The following HOOK3 variants were observed in gnomAD, a reference collection of about 807,000 sequenced individuals.
The protein encoded by HOOK3 is hook microtubule tethering protein 3.
A neutral mutation model predicts 116.3 loss-of-function variants in HOOK3; 24 were observed. The observed-to-expected ratio is 0.21, with a 90% CI of 0.15 to 0.29. The LOEUF is 0.29. Ranked by LOEUF, HOOK3 falls within the 10% of genes least tolerant of loss-of-function variation. The pLI, the probability that HOOK3 is intolerant of heterozygous loss-of-function variation, is 1.00. For missense variants in HOOK3, 632 were observed against 830.2 expected, an observed-to-expected ratio of 0.76 and a Z score of 2.93; for synonymous variants, 275 against 283.0, an observed-to-expected ratio of 0.97 and a Z score of 0.28.
intron 1 of HOOK3, 41 bp downstream of exon 1, chr8:42,897,229 C>G (rs1807013298): frequency 1.7e-6 from 2 of 1,203,666 alleles, no homozygotes; most frequent in South Asian, 4.2e-5. Flanking sequence ...CCCCCTCCCC[C>G]CGCCACCTAC....
chr8:42,903,526 A>T (rs1054691835), intron 1 of HOOK3, among the ~76,000 whole-genome samples: 6 of 149,812 alleles, frequency 4.0e-5, no homozygotes, highest in African/African-American at 1.5e-4. Flanking sequence ...TTGTATTTTT[A>T]GTAGAGACGG....
chr8:42,958,802 C>A (rs1166345420), intron 7 of HOOK3, among the ~76,000 whole-genome samples: 1 of 151,856 alleles, frequency 6.6e-6, no homozygotes, highest in Non-Finnish European at 1.5e-5. Flanking sequence ...CTCCTTCCCC[C>A]ACCCCCCAGC....
At chr8:42,898,426 G>A (rs1344732221) in intron 1 of HOOK3, among the ~76,000 whole-genome samples, 1 of 152,152 alleles carries the variant, frequency 6.6e-6, no homozygotes, top group Non-Finnish European at 1.5e-5. Flanking sequence ...TTTCACTGCT[G>A]TATTTCAGAA....
At chr8:42,911,511 G>A (rs186847415) in intron 2 of HOOK3, among the ~76,000 whole-genome samples, 1 of 152,116 alleles carries the variant, frequency 6.6e-6, no homozygotes. Flanking sequence ...GGTGGGTGGG[G>A]GGATTAACAA....
intron 13 of HOOK3, among the ~76,000 whole-genome samples, chr8:42,981,654 C>G: frequency 6.7e-6 from 1 of 149,816 alleles, no homozygotes; most frequent in East Asian, 2.1e-4. Context: ...GAGGCTGAGG[C>G]GGGCAGATCG....
chr8:43,008,346 G>C (rs1482499521), intron 18 of HOOK3, among the ~76,000 whole-genome samples: 1 of 151,898 alleles, frequency 6.6e-6, no homozygotes, highest in Non-Finnish European at 1.5e-5. Context: ...ATAGGGTCTG[G>C]CTGTGTTGCC....
chr8:42,984,243 C>T (rs191944461), intron 14 of HOOK3, among the ~76,000 whole-genome samples: 1 of 151,678 alleles, frequency 6.6e-6, no homozygotes, highest in Non-Finnish European at 1.5e-5. Context: ...TGATGCATGC[C>T]GGTAATCCCA....
In HOOK3 at chr8:42,976,040, A is replaced by G. The variant is rs34535581; in HGVS notation, c.1321+1846A>G. ...TGTAGATGTGTGTGTGTATATATAT[A>G]TGTGTGTGTGTGTGTGTGTGTGTAT... On this transcript the variant is annotated intron_variant, in intron 13 of 21. Transcript: ENST00000307602. 3.5e-3 allele frequency among the ~76,000 whole-genome samples: 528 copies of G among 148,836 alleles called. 6 individuals are homozygous for G. Among genetic ancestry groups the G allele is most frequent in the African/African-American group, 9.3e-3 (377 of 40,562 alleles).
At chr8:42,903,278 C>T (rs1176488021) in intron 1 of HOOK3, among the ~76,000 whole-genome samples, 5 of 151,886 alleles carry the variant, frequency 3.3e-5, no homozygotes, top group African/African-American at 4.8e-5. Flanking sequence ...ACCGTCTCTA[C>T]CTGCAAAACT....
intron 4 of HOOK3, among the ~76,000 whole-genome samples, chr8:42,939,862 C>T (rs1474651321): frequency 6.8e-6 from 1 of 147,334 alleles, no homozygotes; most frequent in Non-Finnish European, 1.5e-5. Flanking sequence ...AGGGCAGAGG[C>T]GCTCCCCACA....
At chr8:42,906,403 C>A in intron 2 of HOOK3, 145 bp downstream of exon 2, 2 of 626,538 alleles carry the variant, frequency 3.2e-6, no homozygotes, top group Non-Finnish European at 5.7e-6. Flanking sequence ...ATGGAATGTA[C>A]TTATTAGGTA....
At position 43,007,826 on chromosome 8, in the gene HOOK3, A is replaced by T. The variant is rs1381863841; in HGVS notation, c.1656-21A>T. On this transcript the variant is annotated intron_variant, in intron 17 of 21. Coordinates refer to ENST00000307602, the MANE Select transcript of HOOK3 (RefSeq NM_032410.4). ...AAAATTACAGAAGCAGTAGTAGGTG[A>T]TGTTTACCTGTTTGTTACAGAGAGA... 14 of 1,481,012 alleles carry T rather than the reference A, an allele frequency of 9.5e-6. 1 individual carries two copies. In the Admixed American group the frequency reaches 2.4e-4, roughly 26 times the overall value. The allele number at this position is 1,481,012 out of a possible 1,614,324, so 91.7% of individuals were successfully genotyped here. A position where few individuals can be genotyped will look rare whatever the true frequency, so the allele number is the denominator to read the frequency against.
At chr8:42,959,126 C>A in intron 7 of HOOK3, 105 bp from the exon 8 acceptor site, 1 of 712,416 alleles carries the variant, frequency 1.4e-6, no homozygotes, top group Non-Finnish European at 2.4e-6. Flanking sequence ...ACCCTTCCCT[C>A]TTCAGGAAAG....
Position 43,026,767 on chromosome 8 carries a change from G to A in HOOK3, c.*8269G>A, listed in dbSNP as rs1386686136. On this transcript the variant is annotated 3_prime_UTR_variant, in exon 22 of 22. Transcript: ENST00000307602. ...GGGAGCTGTCAAGTCGGAGGATCAG[G>A]AAAATGGTGGGGAAGAGGTGACTGG... 1 of 228,466 alleles carries A rather than the reference G, an allele frequency of 4.4e-6. No individual in the cohort carries two copies. Among genetic ancestry groups the A allele is most frequent in the African/African-American group, 2.2e-5 (1 of 45,104 alleles). 14.2% of individuals were successfully genotyped at this position (228,466 alleles called of 1,614,324 possible).
At chr8:42,966,431 C>A in intron 9 of HOOK3, 42 bp from the exon 10 acceptor site, 1 of 1,599,734 alleles carries the variant, frequency 6.3e-7, no homozygotes, top group Non-Finnish European at 8.6e-7. Context: ...AATGAGGAGG[C>A]AGTAAATAGT....
chr8:42,915,475 A>G (rs1408869374), intron 2 of HOOK3, among the ~76,000 whole-genome samples: 1 of 152,146 alleles, frequency 6.6e-6, no homozygotes, highest in Non-Finnish European at 1.5e-5. Flanking sequence ...CTTGTTGCCC[A>G]GGTCGGAGAG....
intron 21 of HOOK3, 22 bp from the exon 22 acceptor site, chr8:43,018,335 CT>C (rs1554516884): frequency 1.7e-5 from 26 of 1,542,574 alleles, no homozygotes; most frequent in Admixed American, 4.4e-5. Context: ...TCATTGATTC[CT>C]TTTTTTGTTT....
intron 18 of HOOK3, among the ~76,000 whole-genome samples, chr8:43,008,668 T>TA (rs1356522238): frequency 2.7e-4 from 36 of 134,888 alleles, no homozygotes; most frequent in South Asian, 1.5e-3. Flanking sequence ...TTTTTATTTT[T>TA]TTTTTTTTTG....
chr8:42,986,506 T>C (rs1158640507), intron 14 of HOOK3, 149 bp from the exon 15 acceptor site: 6 of 511,398 alleles, frequency 1.2e-5, no homozygotes, highest in Non-Finnish European at 2.0e-5. Context: ...CCAGCTATAA[T>C]AGCTGAATTT....
Sources: allele counts gnomAD v4.1 joint callset (sites outside exome capture counted in the v4.1 genomes callset), GRCh38; gene constraint gnomAD v4.1.1; transcripts MANE v1.5; gene names NCBI Gene and HGNC (gene_info 2026-07-23, HGNC 2026-07-21).